Variants in PRDX6 observed in about 807,000 individuals in gnomAD.
The protein encoded by PRDX6 is peroxiredoxin 6.
Under a neutral mutation model 20.0 loss-of-function variants are expected in PRDX6, and 13 were observed. The ratio of observed to expected loss-of-function variants is 0.65; its 90% CI spans 0.42 to 1.03. The LOEUF (loss-of-function observed/expected upper bound fraction) is 1.03, where lower values mean the gene tolerates loss of function less well. Among genes scored for constraint, PRDX6 ranks in the 50% least tolerant of loss-of-function variants. The pLI, the probability that PRDX6 is intolerant of heterozygous loss-of-function variation, is 0.00. For missense variants in PRDX6, 203 were observed against 276.9 expected (o/e 0.73, Z 1.89); for synonymous variants, 85 against 100.8 (o/e 0.84, Z 0.94).
At chr1:173,481,277 T>C in intron 1 of PRDX6, 49 bp from the exon 2 acceptor site, 1 of 1,530,528 alleles carries the variant, frequency 6.5e-7, no homozygotes, top group East Asian at 2.3e-5. Context: ...CTCTGTGATG[T>C]TGGTGATAAC....
chr1:173,488,676 A>AAAG lies in PRDX6; in HGVS notation c.*815_*817dup, dbSNP rs1025640748. The AAAG allele has an allele frequency of 6.6e-6, 1 of 152,240 alleles. No individual in the cohort carries two copies. Among genetic ancestry groups the AAAG allele is most frequent in the Non-Finnish European group, 1.5e-5 (1 of 68,046 alleles). The allele number at this position is 152,240 out of a possible 1,614,324, so 9.4% of individuals were successfully genotyped here. A position where few individuals can be genotyped will look rare whatever the true frequency, so the allele number is the denominator to read the frequency against. On this transcript the variant is annotated 3_prime_UTR_variant, in exon 5 of 5. Coordinates refer to ENST00000340385, the MANE Select transcript of PRDX6 (RefSeq NM_004905.3). ...TCTGTTTTCCGATGATGTGTACATGAAAGAGTACACCATGTGAAGAGAAGA... is the reference window on the plus strand; with the variant it reads ...TCTGTTTTCCGATGATGTGTACATGAAAGAAGAGTACACCATGTGAAGAGAAGA...
Position 173,484,243 on chromosome 1 carries a change from A to ATG in PRDX6, c.253-1109_253-1108dup, listed in dbSNP as rs756190969. ...ATATAATATATATACACATATATAT[A>ATG]TGTGTGTGTGCATATATATATATAG... On this transcript the variant is annotated intron_variant, in intron 2 of 4. Transcript: ENST00000340385. Among the ~76,000 whole-genome samples, 293 of 148,760 alleles carry ATG rather than the reference A, an allele frequency of 2.0e-3. 1 individual carries two copies. Among genetic ancestry groups the ATG allele is most frequent in the Middle Eastern group, 3.6e-3 (1 of 280 alleles).
Position 173,487,770 on chromosome 1 carries a change from TGAA to T in PRDX6, c.590_592del (p.Glu197del), listed in dbSNP as rs764619134. Reference sequence around the variant, plus strand: ...GTGTGATGGTCCTTCCAACCATCCCTGAAGAAGAAGCCAAAAAACTTTTCCCGA... The same window carrying T: ...GTGTGATGGTCCTTCCAACCATCCCTGAAGAAGCCAAAAAACTTTTCCCGA... On this transcript the variant is annotated inframe_deletion, in exon 5 of 5. Coordinates refer to ENST00000340385, the MANE Select transcript of PRDX6 (RefSeq NM_004905.3). 6.2e-7 allele frequency: 1 copy of T among 1,614,052 alleles called. No homozygotes were observed. Among genetic ancestry groups the T allele is most frequent in the Non-Finnish European group, 8.5e-7 (1 of 1,180,008 alleles).
intron 2 of PRDX6, chr1:173,481,715 C>T (rs574403950): frequency 2.1e-6 from 1 of 472,924 alleles, no homozygotes; most frequent in African/African-American, 2.0e-5. Flanking sequence ...ATCACTGTAC[C>T]TCCTGAAACT....
intron 2 of PRDX6, among the ~76,000 whole-genome samples, chr1:173,483,812 A>G (rs1658844521): frequency 6.6e-6 from 1 of 152,090 alleles, no homozygotes; most frequent in Non-Finnish European, 1.5e-5. Flanking sequence ...TTTCATTAAT[A>G]TCGTTCCTGG....
chr1:173,484,157 T>TATAC (rs1658856114), intron 2 of PRDX6, among the ~76,000 whole-genome samples: 1 of 128,956 alleles, frequency 7.8e-6, no homozygotes, highest in African/African-American at 3.8e-5. Flanking sequence ...TATATTTATA[T>TATAC]ATATATATAT....
intron 2 of PRDX6, among the ~76,000 whole-genome samples, chr1:173,483,413 A>C (rs1290030257): frequency 1.3e-5 from 2 of 152,192 alleles, no homozygotes; most frequent in African/African-American, 4.8e-5. Context: ...AAGATAATAA[A>C]ATGAAGGAAT....
At chr1:173,482,201 T>G (rs1658815268) in intron 2 of PRDX6, among the ~76,000 whole-genome samples, 1 of 152,220 alleles carries the variant, frequency 6.6e-6, no homozygotes, top group East Asian at 1.9e-4. Context: ...GTATCATAGA[T>G]AGAAGACTCA....
intron 1 of PRDX6, among the ~76,000 whole-genome samples, chr1:173,480,548 T>C (rs1056608388): frequency 6.6e-5 from 10 of 152,242 alleles, no homozygotes; most frequent in African/African-American, 2.4e-4. Context: ...CAATGATGAC[T>C]TAGATATTAG....
At chr1:173,486,739 C>A (rs1658908389) in intron 4 of PRDX6, among the ~76,000 whole-genome samples, 1 of 152,104 alleles carries the variant, frequency 6.6e-6, no homozygotes, top group Non-Finnish European at 1.5e-5. Flanking sequence ...CTTAATTGGC[C>A]ATTTCCGTTA....
rs112719457 is a variant in PRDX6, at chr1:173,478,383, G to T, written c.95+891G>T. Among the ~76,000 whole-genome samples, 219 of 152,152 alleles carry T rather than the reference G, an allele frequency of 1.4e-3. 1 individual carries two copies. Among genetic ancestry groups the T allele is most frequent in the African/African-American group, 5.1e-3 (211 of 41,544 alleles). On this transcript the variant is annotated intron_variant, in intron 1 of 4. Transcript: ENST00000340385. ...AGACTCTCTTGTTTTCCAGTGGCTT[G>T]CCCCTCACTGTCCCCTCCGCTTTCT... is the stretch of plus-strand genomic sequence containing the variant.
chr1:173,479,340 C>T (rs1658764331), intron 1 of PRDX6, among the ~76,000 whole-genome samples: 1 of 152,118 alleles, frequency 6.6e-6, no homozygotes, highest in Non-Finnish European at 1.5e-5. Context: ...GAAGTTTGAG[C>T]CTTTTATATG....
intron 4 of PRDX6, 99 bp from the exon 5 acceptor site, chr1:173,487,636 C>G: frequency 7.5e-7 from 1 of 1,334,194 alleles, no homozygotes. Context: ...CTTGATTAGT[C>G]TCATTAGCAC....
chr1:173,481,454 G>A lies in PRDX6; in HGVS notation c.224G>A (p.Ser75Asn), dbSNP rs765762473. The stretch of plus-strand genomic sequence containing the variant: ...AAGTTGATTGCCCTTTCAATAGACA[G>A]TGTTGAGGACCATCTTGCCTGGAGC... ...NVKLIALSID[S>N]VEDHLAWSKD... The change falls in exon 2 of 5, where the codon AGT becomes AAT. Residue 75 changes from serine to asparagine, a missense_variant. By Grantham distance (46) the Ser-to-Asn change is conservative. Transcript: ENST00000340385. 3.7e-6 allele frequency: 6 copies of A among 1,614,170 alleles called. No individual in the cohort carries two copies. The highest frequency in any genetic ancestry group is 1.7e-5 in the Admixed American group (1 of 60,028).
In PRDX6 at chr1:173,487,883, G is replaced by T; in HGVS notation, c.*20G>T. 6.2e-7 allele frequency: 1 copy of T among 1,611,410 alleles called. No individual in the cohort carries two copies. Among genetic ancestry groups the T allele is most frequent in the Non-Finnish European group, 8.5e-7 (1 of 1,179,524 alleles). On this transcript the variant is annotated 3_prime_UTR_variant, in exon 5 of 5. Transcript: ENST00000340385. Reference sequence around the variant, plus strand: ...CCTTAAGTCTCTTGGAGAAGCTGGTGCTGTGAGCCAGAGGATGTCAGCTGC... The same window carrying T: ...CCTTAAGTCTCTTGGAGAAGCTGGTTCTGTGAGCCAGAGGATGTCAGCTGC...
chr1:173,481,389 A>G lies in PRDX6; in HGVS notation c.159A>G (p.Arg53=), dbSNP rs887178093. 2.5e-6 allele frequency: 4 copies of G among 1,613,378 alleles called. No homozygotes were observed. The highest frequency in any genetic ancestry group is 3.4e-6 in the Non-Finnish European group (4 of 1,179,404). ...CAGTGTGCACCACAGAGCTTGGCAG[A>G]GCTGCAAAGCTGGCACCAGAATTTG... The part of the protein sequence containing the change: ...FTPVCTTELG[R]AAKLAPEFAK... The change falls in exon 2 of 5, where the codon AGA becomes AGG. Residue 53 remains arginine (R), a synonymous_variant. Coordinates refer to ENST00000340385, the MANE Select transcript of PRDX6 (RefSeq NM_004905.3).
At chr1:173,485,127 T>G (rs1476448964) in intron 2 of PRDX6, among the ~76,000 whole-genome samples, 2 of 152,236 alleles carry the variant, frequency 1.3e-5, no homozygotes, top group Non-Finnish European at 2.9e-5. Context: ...GAACTGGGCA[T>G]GAAAACAGCT....
At chr1:173,487,327 C>G (rs1179591765) in intron 4 of PRDX6, among the ~76,000 whole-genome samples, 2 of 152,122 alleles carry the variant, frequency 1.3e-5, no homozygotes, top group Non-Finnish European at 2.9e-5. Context: ...GCAGTTAGTG[C>G]AAGAAACTGG....
intron 2 of PRDX6, among the ~76,000 whole-genome samples, chr1:173,482,367 A>T (rs1360663547): frequency 1.3e-5 from 2 of 152,078 alleles, no homozygotes; most frequent in Non-Finnish European, 2.9e-5. Flanking sequence ...CTACCTATTT[A>T]GTTTGTTTGT....
Sources: gnomAD v4.1 joint callset for allele counts (sites outside exome capture counted in the v4.1 genomes callset) on GRCh38, gnomAD v4.1.1 for gene constraint, MANE v1.5 for transcripts, NCBI Gene and HGNC (gene_info 2026-07-23, HGNC 2026-07-21) for gene names.